The following ABCA4 variants were observed in gnomAD, a reference collection of about 807,000 sequenced individuals.
The protein encoded by ABCA4 is ATP binding cassette subfamily A member 4, also known as retinal-specific phospholipid-transporting ATPase ABCA4.
ABCA4 carries 196 observed loss-of-function variants against 263.7 expected under a neutral mutation model. That is an observed-to-expected ratio of 0.74 (90% CI 0.66 to 0.84). ABCA4 has a LOEUF of 0.84. ABCA4 is among the 40% of genes least tolerant of loss of function. ABCA4 has a pLI of 0.00. For synonymous variants in ABCA4, 1,133 were observed against 1,094.2 expected (o/e 1.04, Z -0.70); for missense variants, 2,792 against 2,855.1 (o/e 0.98, Z 0.50).
rs145838948 is a variant in ABCA4, at chr1:94,018,683, G to A, written c.5196+899C>T. The A allele has an allele frequency of 0.026, 11,531 of 444,644 alleles. 188 individuals carry two copies. Among genetic ancestry groups the A allele is most frequent in the Middle Eastern group, 0.033 (83 of 2,482 alleles). 27.5% of individuals were successfully genotyped at this position (444,644 alleles called of 1,614,324 possible). A position where few individuals can be genotyped will look rare whatever the true frequency, so the allele number is the denominator to read the frequency against. On this transcript the variant is annotated intron_variant, in intron 36 of 49. Transcript: ENST00000370225. Reference sequence around the variant, plus strand: ...GCTCATGTTGGTCTTAAAATGTTGAGATTTTACTACTCAAGACACCTAGAA... The same window carrying A: ...GCTCATGTTGGTCTTAAAATGTTGAAATTTTACTACTCAAGACACCTAGAA...
intron 11 of ABCA4, among the ~76,000 whole-genome samples, chr1:94,065,154 C>A (rs1423514568): frequency 6.6e-6 from 1 of 152,002 alleles, no homozygotes; most frequent in African/African-American, 2.4e-5. Context: ...CACCTTCAGG[C>A]CTAGAGTTCT....
chr1:94,008,911 A>C, intron 40 of ABCA4, 40 bp from the exon 41 acceptor site: 3 of 1,607,030 alleles, frequency 1.9e-6, no homozygotes, highest in Non-Finnish European at 2.5e-6. Flanking sequence ...CTGGCTGTAC[A>C]GTGTCCTTGG....
In ABCA4 at chr1:94,041,379, G is replaced by A. The variant is rs369440533; in HGVS notation, c.3352C>T (p.His1118Tyr). Reference protein sequence around the residue: ...RSGRTIIMSTHHMDEADLLGD... With the variant: ...RSGRTIIMSTYHMDEADLLGD... Reference sequence around the variant, plus strand: ...AGGAGGTCGGCCTCGTCCATGTGGTGAGTGGACATGATGATGGTTCTGCCT... The same window carrying A: ...AGGAGGTCGGCCTCGTCCATGTGGTAAGTGGACATGATGATGGTTCTGCCT... Residue 1118 changes from histidine (H) to tyrosine (Y), a missense_variant, in exon 23 of 50, where the codon CAC becomes TAC. His to Tyr is a moderately conservative substitution (Grantham distance 83, BLOSUM62 2). Coordinates refer to ENST00000370225, the MANE Select transcript of ABCA4 (RefSeq NM_000350.3). The A allele has an allele frequency of 1.2e-6, 2 of 1,613,898 alleles. No homozygotes were observed. Among genetic ancestry groups the A allele is most frequent in the African/African-American group, 1.3e-5 (1 of 74,916 alleles).
chr1:94,092,461 G>C (rs952145360), intron 6 of ABCA4, among the ~76,000 whole-genome samples: 1 of 152,220 alleles, frequency 6.6e-6, no homozygotes, highest in Non-Finnish European at 1.5e-5. Flanking sequence ...GAGGAAGCGG[G>C]CTTCAGTGGT....
intron 13 of ABCA4, 91 bp downstream of exon 13, chr1:94,062,486 G>A (rs1296872614): frequency 2.0e-6 from 3 of 1,511,374 alleles, no homozygotes; most frequent in Non-Finnish European, 2.7e-6. Context: ...CTAAAGACAT[G>A]GAAGCCTTGA....
chr1:94,117,722 C>A (rs988518516), intron 1 of ABCA4, among the ~76,000 whole-genome samples: 2 of 152,118 alleles, frequency 1.3e-5, no homozygotes, highest in African/African-American at 4.8e-5. Context: ...AGCTCACAGA[C>A]CTCCTCCTCA....
intron 38 of ABCA4, among the ~76,000 whole-genome samples, chr1:94,014,332 G>A (rs892195903): frequency 2.7e-5 from 4 of 148,488 alleles, no homozygotes; most frequent in Admixed American, 1.3e-4. Flanking sequence ...ACGGGGGAAG[G>A]AGGGAGGAGG....
intron 11 of ABCA4, 56 bp from the exon 12 acceptor site, chr1:94,063,373 A>C: frequency 6.6e-7 from 1 of 1,515,652 alleles, no homozygotes; most frequent in Non-Finnish European, 9.2e-7. Flanking sequence ...CAAAGACTCA[A>C]CTCTACACAC....
At position 94,114,110 on chromosome 1, in the gene ABCA4, T is replaced by C. The variant is rs530123333; in HGVS notation, c.67-1044A>G. Among the ~76,000 whole-genome samples, 4 of 152,354 alleles carry C rather than the reference T, an allele frequency of 2.6e-5. No homozygotes were observed. The South Asian group carries it at 6.2e-4, about 24-fold the overall frequency. Reference sequence around the variant, plus strand: ...GTTTAATAGATCAGCTAGGGGCTATTCACATGGTCTTTCATGTAACCCTTT... The same window carrying C: ...GTTTAATAGATCAGCTAGGGGCTATCCACATGGTCTTTCATGTAACCCTTT... On this transcript the variant is annotated intron_variant, in intron 1 of 49. Coordinates refer to ENST00000370225, the MANE Select transcript of ABCA4 (RefSeq NM_000350.3).
intron 17 of ABCA4, among the ~76,000 whole-genome samples, chr1:94,050,241 T>A (rs372032080): frequency 1.3e-5 from 2 of 152,166 alleles, no homozygotes. Context: ...ACTGCACAAA[T>A]AGGTAATGAA....
At chr1:94,100,051 C>T (rs2101137949) in intron 5 of ABCA4, among the ~76,000 whole-genome samples, 1 of 152,284 alleles carries the variant, frequency 6.6e-6, no homozygotes, top group African/African-American at 2.4e-5. Flanking sequence ...CCCGGGGCAC[C>T]ACAGTCTCCC....
rs192256328 is a variant in ABCA4 at position 94,081,863 on chromosome 1, G to A, written c.859-1145C>T. Among the ~76,000 whole-genome samples, 5 of 152,282 alleles carry A rather than the reference G, an allele frequency of 3.3e-5. No individual in the cohort carries two copies. The East Asian group carries it at 9.6e-4, about 29-fold the overall frequency. ...AGCTTGGCTCCCATAATGCCATTTG[G>A]CTTTGCTTTAGGGGAAAATACGAAA... On this transcript the variant is annotated intron_variant, in intron 7 of 49. Coordinates refer to ENST00000370225, the MANE Select transcript of ABCA4 (RefSeq NM_000350.3).
At chr1:94,083,061 A>C (rs996664570) in intron 7 of ABCA4, among the ~76,000 whole-genome samples, 1 of 152,246 alleles carries the variant, frequency 6.6e-6, no homozygotes, top group African/African-American at 2.4e-5. Context: ...GAAAAGACTT[A>C]GATTCAACTG....
chr1:94,037,350 C>G lies in ABCA4; in HGVS notation c.3608G>C (p.Gly1203Ala), dbSNP rs146786552. 6.2e-7 allele frequency: 1 copy of G among 1,613,974 alleles called. No homozygotes were observed. Among genetic ancestry groups the G allele is most frequent in the South Asian group, 1.1e-5 (1 of 91,076 alleles). Residue 1203 changes from glycine to alanine, a missense_variant and splice_region_variant, in exon 25 of 50, where the codon GGG (glycine) becomes GCG (alanine). Physicochemically the swap from Gly to Ala is moderately conservative, Grantham distance 60. Transcript: ENST00000370225. ...TACATCCATCAGCTCATTTACATCC[C>G]CTAGGACAAGAAAAAAGACTGATGC... ...DDLTPEQVLDGDVNELMDVVL... is the reference protein window; with the variant it reads ...DDLTPEQVLDADVNELMDVVL...
At chr1:94,062,206 T>C (rs1661145717) in intron 13 of ABCA4, among the ~76,000 whole-genome samples, 1 of 152,190 alleles carries the variant, frequency 6.6e-6, no homozygotes, top group African/African-American at 2.4e-5. Context: ...GAGTCCAAAA[T>C]GAATGCTGAT....
At chr1:94,081,803 C>T (rs754715198) in intron 7 of ABCA4, among the ~76,000 whole-genome samples, 9 of 152,288 alleles carry the variant, frequency 5.9e-5, no homozygotes, top group South Asian at 2.1e-4. Context: ...TCTGTAATGC[C>T]GAGAACTCAG....
chr1:94,108,595 G>A lies in ABCA4; in HGVS notation c.424C>T (p.His142Tyr), dbSNP rs1085307835. 4 of 1,613,656 alleles carry A rather than the reference G, an allele frequency of 2.5e-6. No individual in the cohort carries two copies. Among genetic ancestry groups the A allele is most frequent in the Non-Finnish European group, 3.4e-6 (4 of 1,180,000 alleles). The change falls in exon 4 of 50, where the codon CAC (histidine) becomes TAC (tyrosine). Residue 142 changes from histidine (H) to tyrosine (Y), a missense_variant. His to Tyr is a moderately conservative substitution (Grantham distance 83). Transcript: ENST00000370225. ...LSQFMDTLRT[H>Y]PERIAGRGIR... The stretch of plus-strand genomic sequence containing the variant: ...TGCTTACCTGCAATTCTCTCCGGGT[G>A]AGTCCGGAGGGTGTCCATGAATTGG...
In ABCA4 at chr1:94,029,931, G is replaced by A. The variant is rs4147844; in HGVS notation, c.4353-300C>T. Among the ~76,000 whole-genome samples, 64,083 of 151,994 alleles carry A rather than the reference G, an allele frequency of 0.42. 14,101 individuals are homozygous for A. The highest frequency in any genetic ancestry group is 0.49 in the Non-Finnish European group (33,404 of 67,968). ...CAGAAGAGGAATTTGAAATTAGTCT[G>A]TTTTGGTCCTTATTGACAGCTTTGA... On this transcript the variant is annotated intron_variant, in intron 29 of 49. Transcript: ENST00000370225.
chr1:94,003,876 G>A (rs543506954), intron 44 of ABCA4, among the ~76,000 whole-genome samples: 80 of 151,858 alleles, frequency 5.3e-4, no homozygotes, highest in African/African-American at 1.7e-3. Context: ...GGGCTCAAGC[G>A]ATCTTCCTAC....
Sources: allele counts gnomAD v4.1 joint callset (sites outside exome capture counted in the v4.1 genomes callset), GRCh38; gene constraint gnomAD v4.1.1; transcripts MANE v1.5; gene names NCBI Gene and HGNC (gene_info 2026-07-23, HGNC 2026-07-21).